Variants in POLQ observed in about 807,000 individuals in gnomAD.
The protein encoded by POLQ is DNA polymerase theta.
A neutral mutation model predicts 259.2 loss-of-function variants in POLQ; 233 were observed. The observed-to-expected ratio is 0.90, with a 90% CI of 0.81 to 1.00. The LOEUF (loss-of-function observed/expected upper bound fraction) is 1.00, where lower values mean the gene tolerates loss of function less well. POLQ is among the 50% of genes least tolerant of loss of function. The pLI, the probability that POLQ is intolerant of heterozygous loss-of-function variation, is 0.00. For synonymous variants in POLQ, 1,025 were observed against 1,048.8 expected (o/e 0.98, Z 0.44); for missense variants, 2,871 against 3,051.6 (o/e 0.94, Z 1.39).
In POLQ at chr3:121,456,373, A is replaced by T. The variant is rs1458251554; in HGVS notation, c.7152+3677T>A. Among the ~76,000 whole-genome samples, 705 of 151,832 alleles carry T rather than the reference A, an allele frequency of 4.6e-3. 8 individuals are homozygous for T. The highest frequency in any genetic ancestry group is 0.016 in the African/African-American group (645 of 41,334). ...CTCCTATTCAACATAGTGTTGGAAG[A>T]TCTGGCCAGGGCAATCAGGCAGGAG... is the stretch of plus-strand genomic sequence containing the variant. On this transcript the variant is annotated intron_variant, in intron 25 of 29. Transcript: ENST00000264233.
chr3:121,500,396 T>C (rs1400634038), intron 12 of POLQ, among the ~76,000 whole-genome samples: 2 of 151,786 alleles, frequency 1.3e-5, no homozygotes, highest in Admixed American at 6.6e-5. Context: ...CCTTCCAAAG[T>C]GCTAGGATTA....
chr3:121,522,469 G>T (rs1697001657), intron 7 of POLQ, among the ~76,000 whole-genome samples: 1 of 149,548 alleles, frequency 6.7e-6, no homozygotes, highest in Admixed American at 6.7e-5. Flanking sequence ...CTGCCACCGC[G>T]CCCGGCTAAT....
intron 28 of POLQ, among the ~76,000 whole-genome samples, chr3:121,435,543 T>C (rs1246529055): frequency 6.6e-6 from 1 of 152,204 alleles, no homozygotes; most frequent in Non-Finnish European, 1.5e-5. Flanking sequence ...CTTTTTCAGT[T>C]TTATTTTCTT....
In POLQ at chr3:121,481,759, T is replaced by C. The variant is rs1299351123; in HGVS notation, c.6024A>G (p.Ile2008Met). ...PDSQEPTLHSIVTSFLPHELP... is the reference protein window; with the variant it reads ...PDSQEPTLHSMVTSFLPHELP... ...GCTCATGAGGAAGAAAACTGGTAAC[T>C]ATGCTATGAAGAGTCGGCTCCTGAG... The change falls in exon 19 of 30, where the codon ATA (isoleucine) becomes ATG (methionine). Residue 2008 changes from isoleucine to methionine, a missense_variant. This residue lies in a region of POLQ where 2,080 missense variants were observed against 2,126.0 expected (regional missense o/e 0.98). Transcript: ENST00000264233. 1.2e-6 allele frequency: 2 copies of C among 1,613,696 alleles called. No homozygotes were observed. The highest frequency in any genetic ancestry group is 1.3e-5 in the African/African-American group (1 of 74,888).
At chr3:121,534,447 C>T (rs995546908) in intron 5 of POLQ, among the ~76,000 whole-genome samples, 2 of 152,008 alleles carry the variant, frequency 1.3e-5, no homozygotes, top group African/African-American at 4.8e-5. Context: ...CTTATGCCAC[C>T]TGAGTAGCTG....
chr3:121,540,871 T>G (rs1391298091), intron 3 of POLQ, among the ~76,000 whole-genome samples: 1 of 150,538 alleles, frequency 6.6e-6, no homozygotes, highest in Admixed American at 6.7e-5. Flanking sequence ...AATTTTCTTT[T>G]AATTTCCTTC....
Position 121,468,365 on chromosome 3 carries a change from G to T in POLQ, c.6785C>A (p.Thr2262Lys), listed in dbSNP as rs762161163. ...VPRDFEIKMP[T>K]LVGESPPSQA... ...AGAAGGTGGGCTTTCTCCTACTAGT[G>T]TTGGCATTTTGATTTCAAAATCTCT... is the stretch of plus-strand genomic sequence containing the variant. The change falls in exon 23 of 30, where the codon ACA becomes AAA. Residue 2262 changes from threonine (T) to lysine (K), a missense_variant. This residue lies in a region of POLQ where 2,080 missense variants were observed against 2,126.0 expected (regional missense o/e 0.98). Coordinates refer to ENST00000264233, the MANE Select transcript of POLQ (RefSeq NM_199420.4). 1.2e-6 allele frequency: 2 copies of T among 1,611,280 alleles called. No individual in the cohort carries two copies. Among genetic ancestry groups the T allele is most frequent in the Non-Finnish European group, 8.5e-7 (1 of 1,177,616 alleles).
At chr3:121,472,196 CT>C (rs1560092598) in intron 21 of POLQ, 32 bp from the exon 22 acceptor site, 1 of 1,092,038 alleles carries the variant, frequency 9.2e-7, no homozygotes, top group Non-Finnish European at 1.3e-6. Flanking sequence ...AGATTGAATT[CT>C]TGTCCAAATT....
rs1383955675 is a variant in POLQ at position 121,436,182 on chromosome 3, A to G, written c.7483T>C (p.Phe2495Leu). The G allele has an allele frequency of 1.9e-6, 3 of 1,613,836 alleles. No individual in the cohort carries two copies. Among genetic ancestry groups the G allele is most frequent in the Non-Finnish European group, 2.5e-6 (3 of 1,179,728 alleles). The stretch of plus-strand genomic sequence containing the variant: ...CCATGGGATTTGAAGGTTGAGTGGA[A>G]GGTCTCTAATTGCTTCTGAATGTTA... ...TVNIQKQLET[F>L]HSTFKSHGHR... The change falls in exon 28 of 30, where the codon TTC becomes CTC. Residue 2495 changes from phenylalanine to leucine, a missense_variant. Physicochemically the swap from Phe to Leu is conservative, Grantham distance 22 (BLOSUM62 0). Around this residue, in one of 3 missense-constraint regions of POLQ, gnomAD observed 2,080 missense variants for 2,126.0 expected, o/e 0.98. Coordinates refer to ENST00000264233, the MANE Select transcript of POLQ (RefSeq NM_199420.4).
At chr3:121,516,076 A>G (rs2048292150) in intron 9 of POLQ, among the ~76,000 whole-genome samples, 2 of 151,896 alleles carry the variant, frequency 1.3e-5, no homozygotes, top group Admixed American at 1.3e-4. Flanking sequence ...AATCAAGCAG[A>G]AGAGAGAGAG....
At chr3:121,457,768 C>T (rs1202098408) in intron 25 of POLQ, among the ~76,000 whole-genome samples, 2 of 152,242 alleles carry the variant, frequency 1.3e-5, no homozygotes, top group Non-Finnish European at 2.9e-5. Flanking sequence ...GAAATAGGAA[C>T]ACTTTTACAC....
intron 12 of POLQ, among the ~76,000 whole-genome samples, chr3:121,502,076 C>T (rs2048175104): frequency 6.6e-6 from 1 of 151,254 alleles, no homozygotes; most frequent in South Asian, 2.1e-4. Flanking sequence ...AATTCCAAAC[C>T]AAAAAAAGAA....
chr3:121,493,745 T>C (rs2048091317), intron 14 of POLQ, 24 bp from the exon 15 acceptor site: 3 of 1,584,562 alleles, frequency 1.9e-6, no homozygotes, highest in Non-Finnish European at 2.6e-6. Flanking sequence ...AGAATATTTG[T>C]TGAATTCAAT....
intron 7 of POLQ, among the ~76,000 whole-genome samples, chr3:121,527,536 CT>C (rs1484916776): frequency 1.3e-5 from 2 of 152,308 alleles, no homozygotes; most frequent in South Asian, 2.1e-4. Context: ...CCACATAAAA[CT>C]GCATTTTCAA....
rs2048090492 is a variant in POLQ at position 121,493,681 on chromosome 3, G to A, written c.2319C>T (p.Asn773=). ...TVFSNRLGWH[N]MELLLSQFQK... is the part of the protein sequence containing the mutation. ...GAAATTGGGAAAGTAGTAGTTCCAT[G>A]TTGTGCCAGCCCAGACGGTTGGAAA... The change falls in exon 15 of 30, where the codon AAC becomes AAT. Residue 773 remains asparagine (N), a synonymous_variant. Coordinates refer to ENST00000264233, the MANE Select transcript of POLQ (RefSeq NM_199420.4). 3.1e-6 allele frequency: 5 copies of A among 1,613,586 alleles called. No individual in the cohort carries two copies. The highest frequency in any genetic ancestry group is 1.7e-6 in the Non-Finnish European group (2 of 1,179,482).
At chr3:121,465,112 G>A (rs967844842) in intron 24 of POLQ, among the ~76,000 whole-genome samples, 8 of 150,042 alleles carry the variant, frequency 5.3e-5, no homozygotes, top group Admixed American at 4.0e-4. Flanking sequence ...TTTGACATAG[G>A]GTCTTGCTTT....
chr3:121,506,029 A>G (rs1214125795), intron 12 of POLQ, among the ~76,000 whole-genome samples: 2 of 151,114 alleles, frequency 1.3e-5, no homozygotes, highest in African/African-American at 4.9e-5. Flanking sequence ...TCTCAAAAAA[A>G]AAAAAAAAAA....
intron 12 of POLQ, among the ~76,000 whole-genome samples, chr3:121,506,279 C>CAAACA: frequency 6.7e-6 from 1 of 150,096 alleles, no homozygotes; most frequent in East Asian, 2.0e-4. Flanking sequence ...AAAAACAAAA[C>CAAACA]AAAACAAAAA....
intron 24 of POLQ, among the ~76,000 whole-genome samples, chr3:121,466,909 T>C (rs1350328326): frequency 3.9e-5 from 6 of 152,334 alleles, no homozygotes; most frequent in African/African-American, 1.4e-4. Context: ...TAGGACTTGC[T>C]AGCTGGTGAA....
Sources: allele counts gnomAD v4.1 joint callset (sites outside exome capture counted in the v4.1 genomes callset), GRCh38; gene constraint gnomAD v4.1.1; regional missense constraint gnomAD v4.1.1; transcripts MANE v1.5; gene names NCBI Gene and HGNC (gene_info 2026-07-23, HGNC 2026-07-21).